The following ASCC3 variants were observed in gnomAD, a reference collection of about 807,000 sequenced individuals.
ASCC3 encodes the protein ASC-1 complex subunit P200.
ASCC3 carries 158 observed loss-of-function variants against 256.3 expected under a neutral mutation model. The observed-to-expected ratio is 0.62, with a 90% CI of 0.54 to 0.70. ASCC3 has a LOEUF of 0.70. Among genes scored for constraint, ASCC3 ranks in the 30% least tolerant of loss-of-function variants. ASCC3 has a pLI of 0.00. For synonymous variants in ASCC3, 948 were observed against 883.4 expected (o/e 1.07, Z -1.30); for missense variants, 2,259 against 2,626.0 (o/e 0.86, Z 3.05).
chr6:100,578,248 C>T (rs1770985342), intron 36 of ASCC3, among the ~76,000 whole-genome samples: 1 of 152,018 alleles, frequency 6.6e-6, no homozygotes, highest in Admixed American at 6.6e-5. Flanking sequence ...CAATCTTCTG[C>T]TAATCAATTA....
At chr6:100,834,196 C>A (rs772927370) in intron 4 of ASCC3, among the ~76,000 whole-genome samples, 2 of 152,142 alleles carry the variant, frequency 1.3e-5, no homozygotes, top group Non-Finnish European at 2.9e-5. Context: ...TGAGATTTGT[C>A]ATTAGGTCGT....
chr6:100,528,913 A>C (rs1774727841), intron 37 of ASCC3, among the ~76,000 whole-genome samples: 1 of 152,198 alleles, frequency 6.6e-6, no homozygotes, highest in Non-Finnish European at 1.5e-5. Flanking sequence ...AGTAAAGAGG[A>C]GATATCTGCT....
chr6:100,675,130 GTT>G (rs562151800), intron 14 of ASCC3, among the ~76,000 whole-genome samples: 1 of 143,696 alleles, frequency 7.0e-6, no homozygotes. Context: ...GCAAACAGTT[GTT>G]TTTTTTTTTT....
intron 4 of ASCC3, among the ~76,000 whole-genome samples, chr6:100,838,800 TATTA>T (rs1338075910): frequency 6.6e-6 from 1 of 152,218 alleles, no homozygotes; most frequent in African/African-American, 2.4e-5. Flanking sequence ...GATATTCTGA[TATTA>T]ATTGTCTCAG....
chr6:100,583,836 C>G lies in ASCC3; in HGVS notation c.5550+5798G>C, dbSNP rs374416449. Among the ~76,000 whole-genome samples, 48 of 152,236 alleles carry G rather than the reference C, an allele frequency of 3.2e-4. No individual in the cohort carries two copies. The East Asian group carries it at 8.7e-3, about 28-fold the overall frequency. ...AACATCTTTATTTCTGCCTTCATTT[C>G]GTTATGTACCCAGTGGTCATTCAGG... On this transcript the variant is annotated intron_variant, in intron 36 of 41. Transcript: ENST00000369162.
In ASCC3 at chr6:100,864,092, T is replaced by C. The variant is rs1170368430; in HGVS notation, c.213A>G (p.Lys71=). ...SKMQSINEDL[K]DILHAAKQIV... Reference sequence around the variant, plus strand: ...TCTGCTTTGCAGCATGTAATATATCTTTTAAGTCTTCATTTATACTTTGCA... The same window carrying C: ...TCTGCTTTGCAGCATGTAATATATCCTTTAAGTCTTCATTTATACTTTGCA... The change falls in exon 3 of 42, where the codon AAA becomes AAG. Residue 71 remains lysine (K), a synonymous_variant. Transcript: ENST00000369162. The C allele has an allele frequency of 6.3e-7, 1 of 1,592,786 alleles. No homozygotes were observed. The highest frequency in any genetic ancestry group is 1.3e-5 in the African/African-American group (1 of 74,452).
At chr6:100,788,428 T>A (rs943366816) in intron 8 of ASCC3, among the ~76,000 whole-genome samples, 2 of 152,004 alleles carry the variant, frequency 1.3e-5, no homozygotes, top group Non-Finnish European at 2.9e-5. Flanking sequence ...CAAAGATAAG[T>A]ACATATTTAC....
chr6:100,860,551 C>T (rs1773173751), intron 3 of ASCC3, among the ~76,000 whole-genome samples: 1 of 151,812 alleles, frequency 6.6e-6, no homozygotes, highest in East Asian at 1.9e-4. Flanking sequence ...ATTCTCTATA[C>T]TTCATTTGTT....
intron 39 of ASCC3, among the ~76,000 whole-genome samples, chr6:100,514,237 T>A (rs1453609072): frequency 6.6e-6 from 1 of 152,118 alleles, no homozygotes; most frequent in Non-Finnish European, 1.5e-5. Context: ...CTGTACAACC[T>A]GTACAAAGGA....
Position 100,593,520 on chromosome 6 carries a change from G to GT in ASCC3, c.5304-3462dup, listed in dbSNP as rs1246706576. ...ATTTCACCAGTTGAGAATGAAAGAG[G>GT]TTTTATATTAATGTAAAACATAGAT... On this transcript the variant is annotated intron_variant, in intron 34 of 41. Coordinates refer to ENST00000369162, the MANE Select transcript of ASCC3 (RefSeq NM_006828.4). Among the ~76,000 whole-genome samples the GT allele has an allele frequency of 3.3e-5, 5 of 151,986 alleles. No individual in the cohort carries two copies. The East Asian group carries it at 9.6e-4, about 29-fold the overall frequency.
intron 10 of ASCC3, among the ~76,000 whole-genome samples, chr6:100,765,134 A>G (rs1781593609): frequency 6.6e-6 from 1 of 152,186 alleles, no homozygotes; most frequent in Non-Finnish European, 1.5e-5. Context: ...CAAAGCCTCC[A>G]GAAGGAAACA....
At chr6:100,535,972 T>G (rs1298566483) in intron 37 of ASCC3, among the ~76,000 whole-genome samples, 1 of 152,228 alleles carries the variant, frequency 6.6e-6, no homozygotes, top group Non-Finnish European at 1.5e-5. Flanking sequence ...TAGAAATTAT[T>G]CTTGAGAACA....
At chr6:100,580,389 C>T (rs1351960997) in intron 36 of ASCC3, among the ~76,000 whole-genome samples, 1 of 151,780 alleles carries the variant, frequency 6.6e-6, no homozygotes, top group South Asian at 2.1e-4. Flanking sequence ...GAGATCATCA[C>T]TTGAAACTAT....
chr6:100,643,681 A>G (rs1775240087), intron 23 of ASCC3, among the ~76,000 whole-genome samples: 1 of 151,992 alleles, frequency 6.6e-6, no homozygotes, highest in Non-Finnish European at 1.5e-5. Flanking sequence ...TTATAACACA[A>G]TGGTACTTAC....
chr6:100,647,101 A>T, intron 21 of ASCC3, 125 bp downstream of exon 21: 1 of 969,142 alleles, frequency 1.0e-6, no homozygotes, highest in Non-Finnish European at 1.6e-6. Flanking sequence ...AATGAAAAAG[A>T]TTTATAAATA....
chr6:100,544,356 T>C (rs1051342725), intron 36 of ASCC3, among the ~76,000 whole-genome samples: 1 of 151,468 alleles, frequency 6.6e-6, no homozygotes, highest in Non-Finnish European at 1.5e-5. Context: ...ACAAATACAA[T>C]AGAGAAAACA....
chr6:100,879,973 T>C (rs1769209945), intron 1 of ASCC3, among the ~76,000 whole-genome samples: 1 of 152,202 alleles, frequency 6.6e-6, no homozygotes, highest in African/African-American at 2.4e-5. Context: ...TGCTGGATTA[T>C]AGAAAGTTCA....
intron 10 of ASCC3, among the ~76,000 whole-genome samples, chr6:100,758,959 C>T (rs1481613818): frequency 3.3e-5 from 5 of 152,060 alleles, no homozygotes; most frequent in Non-Finnish European, 7.4e-5. Flanking sequence ...TGGTCTCTCA[C>T]TGTGGTTTTG....
chr6:100,532,712 A>C (rs1774977276), intron 37 of ASCC3, among the ~76,000 whole-genome samples: 1 of 152,044 alleles, frequency 6.6e-6, no homozygotes, highest in South Asian at 2.1e-4. Flanking sequence ...AAACAATGAC[A>C]CATTAAAACT....
Sources: gnomAD v4.1 joint callset for allele counts (sites outside exome capture counted in the v4.1 genomes callset) on GRCh38, gnomAD v4.1.1 for gene constraint, MANE v1.5 for transcripts, NCBI Gene and HGNC (gene_info 2026-07-23, HGNC 2026-07-21) for gene names.